MAB21L3: variants seen among roughly 807,000 people sequenced by gnomAD.
The protein encoded by MAB21L3 is protein mab-21-like 3.
Under a neutral mutation model 37.7 loss-of-function variants are expected in MAB21L3, and 36 were observed. The observed-to-expected ratio is 0.96, with a 90% CI of 0.73 to 1.26. MAB21L3 has a LOEUF of 1.26. Among genes scored for constraint, MAB21L3 ranks in the 50% most tolerant of loss-of-function variants. The probability of loss-of-function intolerance (pLI) is 0.00; values close to 1 mark genes in which losing one functional copy is unlikely to be tolerated. For missense variants in MAB21L3, 430 were observed against 447.3 expected, an observed-to-expected ratio of 0.96 and a Z score of 0.35; for synonymous variants, 186 against 176.8, an observed-to-expected ratio of 1.05 and a Z score of -0.41.
chr1:116,120,495 C>G (rs1659716371), intron 3 of MAB21L3, among the ~76,000 whole-genome samples: 1 of 150,714 alleles, frequency 6.6e-6, no homozygotes, highest in Non-Finnish European at 1.5e-5. Context: ...ATATGTGTGT[C>G]TGTGTGTATA....
rs755058864 is a variant in MAB21L3, at chr1:116,124,348, C to CACCT, written c.473_476dup (p.Ser160ProfsTer4). On this transcript the variant is annotated frameshift_variant, in exon 5 of 8. Coordinates refer to ENST00000369500, the MANE Select transcript of MAB21L3 (RefSeq NM_152367.3). LOFTEE classifies it high-confidence loss of function. ...GGTGGAAAATGCAGTTAGAACCTGT[C>CACCT]ACCTCTCAGGTGAGCTGATCAGGAA... is the stretch of plus-strand genomic sequence containing the variant. 6.2e-7 allele frequency: 1 copy of CACCT among 1,612,422 alleles called. No homozygotes were observed. The highest frequency in any genetic ancestry group is 1.3e-5 in the African/African-American group (1 of 75,048).
At chr1:116,133,038 C>A in intron 7 of MAB21L3, 94 bp from the exon 8 acceptor site, 3 of 1,059,488 alleles carry the variant, frequency 2.8e-6, no homozygotes, top group Non-Finnish European at 2.8e-6. Context: ...TCTTTTCTCC[C>A]TCCTTCCAAG....
rs1660167537 is a variant in MAB21L3, at chr1:116,134,819, G to A, written c.*1454G>A. ...GTGGCACAACCGATCAGGAATTCTA[G>A]GAGTTCTCGGTGAGATCAATGGTTT... is the stretch of plus-strand genomic sequence containing the variant. On this transcript the variant is annotated 3_prime_UTR_variant, in exon 8 of 8. Transcript: ENST00000369500. 1 of 152,052 alleles carries A rather than the reference G, an allele frequency of 6.6e-6. No homozygotes were observed. 9.4% of individuals were successfully genotyped at this position (152,052 alleles called of 1,614,324 possible).
chr1:116,111,599 C>G (rs541085485), intron 1 of MAB21L3, among the ~76,000 whole-genome samples, 30 bp from the exon 2 acceptor site: 9 of 141,894 alleles, frequency 6.3e-5, no homozygotes, highest in Non-Finnish European at 1.2e-4. Flanking sequence ...GAGATCAGAC[C>G]ATTGTGAAAT....
Position 116,127,499 on chromosome 1 carries a change from T to C in MAB21L3, c.515T>C (p.Val172Ala), listed in dbSNP as rs1217270120. 1.2e-6 allele frequency: 2 copies of C among 1,614,058 alleles called. No homozygotes were observed. Among genetic ancestry groups the C allele is most frequent in the Admixed American group, 3.3e-5 (2 of 59,992 alleles). Residue 172 changes from valine to alanine, a missense_variant, in exon 6 of 8, where the codon GTT becomes GCT. Transcript: ENST00000369500. ...AGCCTGCTAGGAAACCGCTCTGCAG[T>C]TTGGGTTGCTGTGGAAACATCTGCA... ...KVSLLGNRSA[V>A]WVAVETSAYQ...
chr1:116,122,467 T>C (rs1272430120), intron 4 of MAB21L3, among the ~76,000 whole-genome samples: 1 of 152,250 alleles, frequency 6.6e-6, no homozygotes, highest in African/African-American at 2.4e-5. Flanking sequence ...ATATATGTCA[T>C]GTCTCACATA....
intron 6 of MAB21L3, 100 bp from the exon 7 acceptor site, chr1:116,128,045 G>A: frequency 7.9e-7 from 1 of 1,267,564 alleles, no homozygotes; most frequent in Non-Finnish European, 1.1e-6. Flanking sequence ...CTGTCTGCCT[G>A]GTGACAAGTT....
Position 116,127,333 on chromosome 1 carries a change from T to C in MAB21L3, c.482-133T>C, listed in dbSNP as rs1293468252. 7 of 785,414 alleles carry C rather than the reference T, an allele frequency of 8.9e-6. No individual in the cohort carries two copies. In the African/African-American group the frequency reaches 1.2e-4, roughly 14 times the overall value. The allele number at this position is 785,414 out of a possible 1,614,324, so 48.7% of individuals were successfully genotyped here. On this transcript the variant is annotated intron_variant, in intron 5 of 7. Transcript: ENST00000369500. ...ACAGGCATTGTGATCCTTCACGTGCTACAGACATTGTGAAAGTTGCCACAC... is the reference window on the plus strand; with the variant it reads ...ACAGGCATTGTGATCCTTCACGTGCCACAGACATTGTGAAAGTTGCCACAC...
At chr1:116,112,225 C>T (rs1055046085) in intron 2 of MAB21L3, among the ~76,000 whole-genome samples, 182 bp from the exon 3 acceptor site, 2 of 152,000 alleles carry the variant, frequency 1.3e-5, no homozygotes, top group African/African-American at 2.4e-5. Flanking sequence ...GAGAAGCCAA[C>T]TACAGGGTAT....
intron 4 of MAB21L3, among the ~76,000 whole-genome samples, chr1:116,122,325 A>G (rs1006077534): frequency 1.3e-5 from 2 of 152,198 alleles, no homozygotes; most frequent in African/African-American, 2.4e-5. Flanking sequence ...ACCCAAGCCA[A>G]TCTAACTTGG....
intron 7 of MAB21L3, among the ~76,000 whole-genome samples, chr1:116,129,496 T>C (rs1660010919): frequency 6.6e-6 from 1 of 152,178 alleles, no homozygotes; most frequent in Non-Finnish European, 1.5e-5. Flanking sequence ...CCTGGGGCAG[T>C]CACCTATCTG....
At position 116,127,566 on chromosome 1, in the gene MAB21L3, C is replaced by A. The variant is rs950963027; in HGVS notation, c.582C>A (p.Pro194=). 13 of 1,614,084 alleles carry A rather than the reference C, an allele frequency of 8.1e-6. No individual in the cohort carries two copies. The highest frequency in any genetic ancestry group is 1.1e-5 in the Non-Finnish European group (13 of 1,180,048). Reference sequence around the variant, plus strand: ...AGCTGGTCCCCGCAGTGGAGATCCCCACCACCTGGTCCAAGAAAGCCCGGT... The same window carrying A: ...AGCTGGTCCCCGCAGTGGAGATCCCAACCACCTGGTCCAAGAAAGCCCGGT... The part of the protein sequence containing the change: ...ELELVPAVEI[P]TTWSKKARWP... The change falls in exon 6 of 8, where the codon CCC becomes CCA. Residue 194 remains proline, a synonymous_variant. Transcript: ENST00000369500.
At chr1:116,112,766 T>A in intron 3 of MAB21L3, 103 bp downstream of exon 3, 1 of 1,105,594 alleles carries the variant, frequency 9.0e-7, no homozygotes, top group Non-Finnish European at 1.3e-6. Flanking sequence ...TAAAGACACA[T>A]AAAATGCTCC....
rs12730858 is a variant in MAB21L3, at chr1:116,136,529, C to T, written c.*3164C>T. Among the ~76,000 whole-genome samples the T allele has an allele frequency of 2.0e-5, 3 of 152,106 alleles. No homozygotes were observed. Among genetic ancestry groups the T allele is most frequent in the East Asian group, 1.9e-4 (1 of 5,192 alleles). On this transcript the variant is annotated 3_prime_UTR_variant, in exon 8 of 8. Transcript: ENST00000369500. Reference sequence around the variant, plus strand: ...GCTCATGGGTAGGAAGAATCAATATCGTCAAAATGGCCAGACTGCCCAAGG... The same window carrying T: ...GCTCATGGGTAGGAAGAATCAATATTGTCAAAATGGCCAGACTGCCCAAGG...
At chr1:116,123,492 T>C (rs556499859) in intron 4 of MAB21L3, among the ~76,000 whole-genome samples, 13 of 152,274 alleles carry the variant, frequency 8.5e-5, no homozygotes, top group African/African-American at 3.1e-4. Context: ...CATTCACCAT[T>C]CCATGTCATT....
At chr1:116,132,520 G>A (rs994069553) in intron 7 of MAB21L3, among the ~76,000 whole-genome samples, 21 of 152,142 alleles carry the variant, frequency 1.4e-4, no homozygotes, top group Non-Finnish European at 3.1e-4. Context: ...GGATTAATGA[G>A]AGAAGAATCC....
At chr1:116,125,493 G>C (rs1401999147) in intron 5 of MAB21L3, among the ~76,000 whole-genome samples, 2 of 152,168 alleles carry the variant, frequency 1.3e-5, no homozygotes, top group African/African-American at 4.8e-5. Context: ...CCTTTAAAAA[G>C]AACAGGCATA....
In MAB21L3 at chr1:116,133,535, G is replaced by GA; in HGVS notation, c.*171dup. The stretch of plus-strand genomic sequence containing the variant: ...CAGCAGGGGGAAAACTGTGCCCCAG[G>GA]ATGTCTGGCCCAGGCCTCCCTGGAG... On this transcript the variant is annotated 3_prime_UTR_variant, in exon 8 of 8. Coordinates refer to ENST00000369500, the MANE Select transcript of MAB21L3 (RefSeq NM_152367.3). The GA allele has an allele frequency of 1.5e-6, 1 of 651,678 alleles. No homozygotes were observed. The highest frequency in any genetic ancestry group is 2.6e-6 in the Non-Finnish European group (1 of 381,098). The allele number at this position is 651,678 out of a possible 1,614,324, so 40.4% of individuals were successfully genotyped here.
At chr1:116,112,057 T>C (rs774711936) in intron 2 of MAB21L3, among the ~76,000 whole-genome samples, 2 of 152,192 alleles carry the variant, frequency 1.3e-5, no homozygotes, top group African/African-American at 2.4e-5. Flanking sequence ...TGTTGGGCAG[T>C]TTCCTATTTG....
Sources: allele counts gnomAD v4.1 joint callset (sites outside exome capture counted in the v4.1 genomes callset), GRCh38; gene constraint gnomAD v4.1.1; transcripts MANE v1.5; gene names NCBI Gene and HGNC (gene_info 2026-07-23, HGNC 2026-07-21).